The following ARFGEF1 variants were observed in gnomAD, a reference collection of about 807,000 sequenced individuals.
ARFGEF1 encodes the protein brefeldin A-inhibited guanine nucleotide-exchange protein 1.
In ARFGEF1, 42 loss-of-function variants were observed where a neutral mutation model predicts 231.0. That is an observed-to-expected ratio of 0.18 (90% CI 0.14 to 0.24). The LOEUF is 0.24. Ranked by LOEUF, ARFGEF1 falls within the 10% of genes least tolerant of loss-of-function variation. The pLI, the probability that ARFGEF1 is intolerant of heterozygous loss-of-function variation, is 1.00. For missense variants in ARFGEF1, 1,345 were observed against 2,192.0 expected, an observed-to-expected ratio of 0.61 and a Z score of 7.72; for synonymous variants, 710 against 732.3, an observed-to-expected ratio of 0.97 and a Z score of 0.49.
intron 33 of ARFGEF1, among the ~76,000 whole-genome samples, chr8:67,215,621 G>A (rs1182917191): frequency 6.6e-6 from 1 of 152,180 alleles, no homozygotes; most frequent in Non-Finnish European, 1.5e-5. Flanking sequence ...GCAGAGATTG[G>A]AGTGATATGT....
At chr8:67,330,243 AT>A (rs1277827001) in intron 1 of ARFGEF1, among the ~76,000 whole-genome samples, 1 of 152,166 alleles carries the variant, frequency 6.6e-6, no homozygotes, top group Non-Finnish European at 1.5e-5. Flanking sequence ...ATATTTAACT[AT>A]TTCATAAGGA....
intron 16 of ARFGEF1, 93 bp from the exon 17 acceptor site, chr8:67,257,909 C>A: frequency 2.5e-6 from 3 of 1,219,106 alleles, no homozygotes. Context: ...ACTTTTATTT[C>A]TCTAAGTATC....
intron 5 of ARFGEF1, chr8:67,190,535 AGTGT>A: frequency 1.4e-6 from 1 of 724,562 alleles, no homozygotes; most frequent in South Asian, 1.6e-5. Context: ...ACATACATTG[AGTGT>A]GTTTCATGGT....
At chr8:67,313,478 C>T (rs574906470) in intron 1 of ARFGEF1, among the ~76,000 whole-genome samples, 110 of 152,214 alleles carry the variant, frequency 7.2e-4, no homozygotes, top group African/African-American at 2.4e-3. Flanking sequence ...CAGGGTGTTC[C>T]CTTGATGCAG....
intron 34 of ARFGEF1, among the ~76,000 whole-genome samples, chr8:67,205,821 G>A (rs1324894530): frequency 6.6e-6 from 1 of 151,542 alleles, no homozygotes; most frequent in Non-Finnish European, 1.5e-5. Context: ...TCACACCACT[G>A]CACTCCAGCC....
At chr8:67,204,290 G>C (rs922012260) in intron 35 of ARFGEF1, among the ~76,000 whole-genome samples, 4 of 152,144 alleles carry the variant, frequency 2.6e-5, no homozygotes, top group Admixed American at 2.6e-4. Context: ...CAATTCTCAG[G>C]TGTAATATCA....
At chr8:67,302,146 C>T (rs148718999) in intron 2 of ARFGEF1, among the ~76,000 whole-genome samples, 473 of 152,148 alleles carry the variant, frequency 3.1e-3, no homozygotes, top group Non-Finnish European at 5.8e-3. Context: ...TTGCAGTGAG[C>T]TGTGATCACA....
intron 22 of ARFGEF1, among the ~76,000 whole-genome samples, chr8:67,235,371 T>C (rs971457353): frequency 6.6e-6 from 1 of 151,952 alleles, no homozygotes; most frequent in South Asian, 2.1e-4. Context: ...AACCTAGACC[T>C]AGAAGGATGG....
chr8:67,228,312 T>TA, intron 23 of ARFGEF1, 48 bp from the exon 24 acceptor site: 1 of 1,542,286 alleles, frequency 6.5e-7, no homozygotes, highest in East Asian at 2.3e-5. Context: ...TTACTGTTCT[T>TA]ATTCCAATTG....
chr8:67,272,088 T>G, intron 9 of ARFGEF1, 152 bp from the exon 10 acceptor site: 1 of 595,992 alleles, frequency 1.7e-6, no homozygotes, highest in Non-Finnish European at 2.9e-6. Flanking sequence ...ATAAAAAAAG[T>G]ACAGTACATG....
At chr8:67,291,457 T>C (rs1806007761) in intron 6 of ARFGEF1, among the ~76,000 whole-genome samples, 1 of 151,816 alleles carries the variant, frequency 6.6e-6, no homozygotes, top group Non-Finnish European at 1.5e-5. Flanking sequence ...TTAAAACTGG[T>C]AATGATTTTT....
chr8:67,318,524 C>T (rs1381473926), intron 1 of ARFGEF1, among the ~76,000 whole-genome samples: 2 of 152,068 alleles, frequency 1.3e-5, no homozygotes, highest in African/African-American at 4.8e-5. Context: ...TTCTTATTCA[C>T]AGATTACATG....
At chr8:67,197,039 C>T (rs1039713552), downstream of ARFGEF1, among the ~76,000 whole-genome samples, 1 of 152,226 alleles carries the variant, frequency 6.6e-6, no homozygotes, top group African/African-American at 2.4e-5. Flanking sequence ...CACACAACTT[C>T]AACTGACTCC....
intron 10 of ARFGEF1, among the ~76,000 whole-genome samples, chr8:67,271,036 A>T (rs1805069252): frequency 6.8e-6 from 1 of 146,732 alleles, no homozygotes. Flanking sequence ...AAAAAAAAAA[A>T]AAAAAAAGGA....
At chr8:67,177,798 G>A in intron 5 of ARFGEF1, 1 of 1,042,380 alleles carries the variant, frequency 9.6e-7, no homozygotes, top group South Asian at 1.3e-5. Flanking sequence ...TGATGATCAA[G>A]TAATTCAAAT....
chr8:67,173,970 G>C (rs1295207658), downstream of ARFGEF1: 2 of 152,138 alleles, frequency 1.3e-5, no homozygotes, highest in African/African-American at 4.8e-5. Flanking sequence ...ATGTGTCCTT[G>C]TGTATTCTTG....
intron 5 of ARFGEF1, among the ~76,000 whole-genome samples, chr8:67,294,795 C>T (rs1304854658): frequency 2.0e-5 from 3 of 152,134 alleles, no homozygotes; most frequent in Admixed American, 6.6e-5. Context: ...ACTCTATCTG[C>T]TGAGAGGCCT....
chr8:67,314,773 C>T (rs1423690348), intron 1 of ARFGEF1, among the ~76,000 whole-genome samples: 1 of 152,214 alleles, frequency 6.6e-6, no homozygotes, highest in Non-Finnish European at 1.5e-5. Flanking sequence ...CTGTCCGGAG[C>T]TGCAATCTAA....
intron 37 of ARFGEF1, 72 bp downstream of exon 37, chr8:67,201,395 C>T (rs779786760): frequency 3.0e-5 from 46 of 1,527,144 alleles, no homozygotes; most frequent in Non-Finnish European, 3.9e-5. Context: ...AGCATGGTCC[C>T]GCCGGTGCCT....
Sources: allele counts gnomAD v4.1 joint callset (sites outside exome capture counted in the v4.1 genomes callset), GRCh38; gene constraint gnomAD v4.1.1; transcripts MANE v1.5; gene names NCBI Gene and HGNC (gene_info 2026-07-23, HGNC 2026-07-21).